GRIP2: variants seen among roughly 807,000 people sequenced by gnomAD.
The protein encoded by GRIP2 is glutamate receptor-interacting protein 2.
GRIP2 carries 58 observed loss-of-function variants against 108.3 expected under a neutral mutation model. The observed-to-expected ratio is 0.54, with a 90% CI of 0.43 to 0.67. The LOEUF is 0.67. GRIP2 is among the 30% of genes least tolerant of loss of function. GRIP2 has a pLI of 0.00. For synonymous variants in GRIP2, 586 were observed against 598.2 expected, an observed-to-expected ratio of 0.98 and a Z score of 0.30; for missense variants, 1,278 against 1,430.6, an observed-to-expected ratio of 0.89 and a Z score of 1.72.
In GRIP2 at chr3:14,540,045, C is replaced by T. The variant is rs1383088871; in HGVS notation, c.40+224G>A. 6.6e-6 allele frequency among the ~76,000 whole-genome samples: 1 copy of T among 152,160 alleles called. No individual in the cohort carries two copies. The highest frequency in any genetic ancestry group is 1.9e-4 in the East Asian group (1 of 5,176). On this transcript the variant is annotated intron_variant, in intron 1 of 23. Transcript: ENST00000621039. This position sits in a 1 kb window ranked among gnomAD's most constrained non-coding sequence, Gnocchi z 4.1. Reference sequence around the variant, plus strand: ...GACCCGCCTGTTCTGCCTGCCTGTGCTGGACAGCCCTGGGGGAGGCTCAGC... The same window carrying T: ...GACCCGCCTGTTCTGCCTGCCTGTGTTGGACAGCCCTGGGGGAGGCTCAGC...
intron 2 of GRIP2, 36 bp from the exon 3 acceptor site, chr3:14,525,608 G>C: frequency 6.2e-7 from 1 of 1,612,150 alleles, no homozygotes; most frequent in Non-Finnish European, 8.5e-7. Flanking sequence ...TGAGCGGGCA[G>C]CTGGGGCCAC....
rs1396771252 is a variant in GRIP2 at position 14,513,722 on chromosome 3, G to A, written c.1582C>T (p.Leu528=). The A allele has an allele frequency of 6.8e-6, 11 of 1,610,818 alleles. No homozygotes were observed. Among genetic ancestry groups the A allele is most frequent in the Non-Finnish European group, 9.3e-6 (11 of 1,178,720 alleles). ...DGTMEEANQL[L]RDAALAHKVV... ...TTGTGGGCCAGTGCGGCGTCCCGCA[G>A]GAGCTGGTTGGCTTCCTCCATAGTC... Residue 528 remains leucine (L), a synonymous_variant, in exon 13 of 24, where the codon CTG becomes TTG. Transcript: ENST00000621039.
intron 1 of GRIP2, among the ~76,000 whole-genome samples, chr3:14,532,186 C>T (rs1262501253): frequency 6.6e-6 from 1 of 152,240 alleles, no homozygotes; most frequent in Admixed American, 6.5e-5. Context: ...CACGCGCCCT[C>T]CCATCCTCAG....
At chr3:14,581,748 G>A in the GRIP2 span, among the ~76,000 whole-genome samples, 1 of 152,222 alleles carries the variant, frequency 6.6e-6, no homozygotes, top group Non-Finnish European at 1.5e-5. Flanking sequence ...CCTTCCTGAT[G>A]CCAATATGAG....
At chr3:14,517,494 CTTT>C (rs146509076) in intron 10 of GRIP2, among the ~76,000 whole-genome samples, 16,116 of 107,372 alleles carry the variant, frequency 0.15, 1,923 homozygotes, top group South Asian at 0.28. Flanking sequence ...ATCTCTCTCT[CTTT>C]TTTTTTTTTT....
chr3:14,544,492 C>T (rs561919031), upstream of GRIP2, among the ~76,000 whole-genome samples: 4 of 152,298 alleles, frequency 2.6e-5, no homozygotes, highest in African/African-American at 7.2e-5. Context: ...CCCAGGCCTC[C>T]GTCCTTCATC....
chr3:14,599,685 C>CTCTCTG, the GRIP2 span, among the ~76,000 whole-genome samples: 11 of 127,568 alleles, frequency 8.6e-5, no homozygotes, highest in Admixed American at 3.9e-4. Flanking sequence ...CTCTCTCTCT[C>CTCTCTG]TGTGTGTGTG....
chr3:14,497,638 G>A (rs1475680013), intron 21 of GRIP2, among the ~76,000 whole-genome samples: 1 of 152,222 alleles, frequency 6.6e-6, no homozygotes, highest in Non-Finnish European at 1.5e-5. Flanking sequence ...ACTGAAGCCA[G>A]GCAGAGAAGG....
rs1694379256 is a variant in GRIP2 at position 14,520,527 on chromosome 3, A to G, written c.723T>C (p.Ala241=). The change falls in exon 8 of 24, where the codon GCT becomes GCC. Residue 241 remains alanine (A), a synonymous_variant. Transcript: ENST00000621039. ...CCACCATCAAGGGTCCCGAAGCATT[A>G]GCCACCGTGTCTGGCATGACGGAGA... ...EYDVATPDTV[A]NASGPLMVEI... 2 of 1,614,004 alleles carry G rather than the reference A, an allele frequency of 1.2e-6. No individual in the cohort carries two copies. Among genetic ancestry groups the G allele is most frequent in the Non-Finnish European group, 1.7e-6 (2 of 1,179,878 alleles).
At chr3:14,544,828 GA>G (rs1366210474), upstream of GRIP2, among the ~76,000 whole-genome samples, 1 of 152,232 alleles carries the variant, frequency 6.6e-6, no homozygotes, top group Non-Finnish European at 1.5e-5. Context: ...CTCAGTCTGG[GA>G]TTCCACCAGC....
the GRIP2 span, among the ~76,000 whole-genome samples, chr3:14,600,819 G>A: frequency 3.9e-5 from 6 of 152,256 alleles, no homozygotes; most frequent in East Asian, 1.9e-4. Context: ...GATTTAGTGC[G>A]GAGCTCAAGG....
chr3:14,543,935 AAC>A (rs1194371589), upstream of GRIP2, among the ~76,000 whole-genome samples: 1 of 152,230 alleles, frequency 6.6e-6, no homozygotes, highest in Non-Finnish European at 1.5e-5. Flanking sequence ...GAATAATAAA[AAC>A]ACCTACCCTC....
chr3:14,601,435 G>A, the GRIP2 span, among the ~76,000 whole-genome samples: 2 of 152,074 alleles, frequency 1.3e-5, no homozygotes, highest in Non-Finnish European at 2.9e-5. Context: ...CTCCTTATTG[G>A]CAGCCCTTCT....
chr3:14,541,162 T>C (rs11128705), upstream of GRIP2, among the ~76,000 whole-genome samples: 112,916 of 152,216 alleles, frequency 0.74, 41,974 homozygotes, highest in South Asian at 0.86. Flanking sequence ...AATGGACACC[T>C]GAGGCTCCTC....
In GRIP2 at chr3:14,512,911, G is replaced by A. The variant is rs569018068; in HGVS notation, c.1640-54C>T. On this transcript the variant is annotated intron_variant, in intron 13 of 23. Coordinates refer to ENST00000621039, the MANE Select transcript of GRIP2 (RefSeq NM_001080423.4). This position sits in a 1 kb window ranked among gnomAD's most constrained non-coding sequence, Gnocchi z 5.1. ...GAGGACCCAGAGGAGGAGCCTCAGC[G>A]AACCCCAGCCCCATGCCCATTCTGG... 36 of 1,522,964 alleles carry A rather than the reference G, an allele frequency of 2.4e-5. No individual in the cohort carries two copies. The highest frequency in any genetic ancestry group is 2.4e-4 in the South Asian group (21 of 89,172). 94.3% of individuals were successfully genotyped at this position (1,522,964 alleles called of 1,614,324 possible). A position where few individuals can be genotyped will look rare whatever the true frequency, so the allele number is the denominator to read the frequency against.
At chr3:14,550,462 C>T (rs898998130) in intron 1 of GRIP2, among the ~76,000 whole-genome samples, 10 of 152,232 alleles carry the variant, frequency 6.6e-5, no homozygotes, top group African/African-American at 2.2e-4. Flanking sequence ...GAAGAAGACA[C>T]CAGCATGGTA....
the GRIP2 span, among the ~76,000 whole-genome samples, chr3:14,564,389 G>A: frequency 2.0e-5 from 3 of 152,210 alleles, no homozygotes; most frequent in South Asian, 2.1e-4. Flanking sequence ...GCCAGGCCAC[G>A]GCAGTGCCGG....
At position 14,520,199 on chromosome 3, in the gene GRIP2, G is replaced by A. The variant is rs1694365379; in HGVS notation, c.941C>T (p.Thr314Ile). Reference sequence around the variant, plus strand: ...CTCTGAAATGCTGGCCAGGAGCTTGGTGGCCTCAAGCAGCGAGCAGTGTTC... The same window carrying A: ...CTCTGAAATGCTGGCCAGGAGCTTGATGGCCTCAAGCAGCGAGCAGTGTTC... ...SMEHCSLLEA[T>I]KLLASISEKV... Residue 314 changes from threonine (T) to isoleucine (I), a missense_variant, in exon 9 of 24, where the codon ACC (threonine) becomes ATC (isoleucine). Physicochemically the swap from Thr to Ile is moderately conservative, Grantham distance 89 (BLOSUM62 -1). Transcript: ENST00000621039. The A allele has an allele frequency of 3.1e-6, 5 of 1,613,404 alleles. No homozygotes were observed. Among genetic ancestry groups the A allele is most frequent in the Admixed American group, 1.7e-5 (1 of 59,944 alleles).
chr3:14,553,324 T>G (rs552785895), intron 1 of GRIP2, among the ~76,000 whole-genome samples: 48 of 152,222 alleles, frequency 3.2e-4, no homozygotes, highest in Non-Finnish European at 4.4e-4. Context: ...TTGGCCAGGC[T>G]GGTCTCGAAC....
Sources: allele counts gnomAD v4.1 joint callset (sites outside exome capture counted in the v4.1 genomes callset), GRCh38; gene constraint gnomAD v4.1.1; non-coding constraint Gnocchi (gnomAD v3.1); transcripts MANE v1.5; gene names NCBI Gene and HGNC (gene_info 2026-07-23, HGNC 2026-07-21).